The following EFCAB6 variants were observed in gnomAD, a reference collection of about 807,000 sequenced individuals.
The protein encoded by EFCAB6 is EF-hand calcium-binding domain-containing protein 6.
In EFCAB6, 156 loss-of-function variants were observed where a neutral mutation model predicts 169.8. The ratio of observed to expected loss-of-function variants is 0.92; its 90% CI spans 0.81 to 1.05. EFCAB6 has a LOEUF of 1.05. EFCAB6 is among the 50% of genes least tolerant of loss of function. EFCAB6 has a pLI of 0.00. For missense variants in EFCAB6, 1,800 were observed against 1,829.1 expected, an observed-to-expected ratio of 0.98 and a Z score of 0.29; for synonymous variants, 698 against 676.4, an observed-to-expected ratio of 1.03 and a Z score of -0.50.
At chr22:43,594,051 G>A (rs149232838) in intron 23 of EFCAB6, among the ~76,000 whole-genome samples, 13 of 152,146 alleles carry the variant, frequency 8.5e-5, no homozygotes, top group Admixed American at 2.0e-4. Context: ...CGAGGTGGGC[G>A]GATCACCTGA....
At chr22:43,794,088 T>C (rs2148130292) in intron 2 of EFCAB6, among the ~76,000 whole-genome samples, 1 of 152,052 alleles carries the variant, frequency 6.6e-6, no homozygotes, top group East Asian at 1.9e-4. Context: ...GGCCCAGCCA[T>C]CTGTATTTAA....
chr22:43,697,594 A>G (rs188506804), intron 10 of EFCAB6, among the ~76,000 whole-genome samples: 3 of 152,320 alleles, frequency 2.0e-5, no homozygotes, highest in East Asian at 3.9e-4. Flanking sequence ...ATAAAAAATC[A>G]GCAGGTAATT....
chr22:43,650,917 A>G (rs1354102418), intron 17 of EFCAB6, among the ~76,000 whole-genome samples: 1 of 152,224 alleles, frequency 6.6e-6, no homozygotes, highest in Non-Finnish European at 1.5e-5. Context: ...AGAAATTTCT[A>G]GGCAGCAAAG....
chr22:43,616,106 T>C (rs569288127), intron 20 of EFCAB6, among the ~76,000 whole-genome samples, 184 bp from the exon 21 acceptor site: 19 of 152,338 alleles, frequency 1.2e-4, no homozygotes, highest in African/African-American at 3.6e-4. Context: ...AGGGAAGTCT[T>C]CTTAAATTTT....
intron 27 of EFCAB6, chr22:43,540,687 A>T: frequency 1.3e-6 from 1 of 753,972 alleles, no homozygotes; most frequent in Non-Finnish European, 1.9e-6. Context: ...AACATTTGGG[A>T]GAAAATGCAA....
chr22:43,764,720 T>C (rs2061271796), intron 5 of EFCAB6, among the ~76,000 whole-genome samples: 1 of 152,196 alleles, frequency 6.6e-6, no homozygotes, highest in Non-Finnish European at 1.5e-5. Flanking sequence ...AAGTAAATAT[T>C]TTTATTACTA....
intron 6 of EFCAB6, among the ~76,000 whole-genome samples, chr22:43,741,056 G>A (rs1416689944): frequency 1.3e-5 from 2 of 152,162 alleles, no homozygotes; most frequent in Non-Finnish European, 1.5e-5. Context: ...TGCAGATGGC[G>A]AGGCTTATCA....
intron 17 of EFCAB6, among the ~76,000 whole-genome samples, chr22:43,645,803 A>T (rs1437023177): frequency 2.0e-5 from 3 of 152,168 alleles, no homozygotes; most frequent in Non-Finnish European, 4.4e-5. Context: ...CTCAGATGTA[A>T]ATGATATCTG....
intron 12 of EFCAB6, among the ~76,000 whole-genome samples, chr22:43,681,472 A>G (rs1378097893): frequency 6.6e-6 from 1 of 152,210 alleles, no homozygotes; most frequent in Non-Finnish European, 1.5e-5. Context: ...GCCTCAGAGA[A>G]TGAGTCTGGA....
chr22:43,678,993 G>A (rs2057894088), intron 12 of EFCAB6, among the ~76,000 whole-genome samples: 1 of 152,184 alleles, frequency 6.6e-6, no homozygotes. Flanking sequence ...CTTACCTTTT[G>A]AGAGTCATAA....
In EFCAB6 at chr22:43,669,038, T is replaced by C; in HGVS notation, c.1648A>G (p.Ser550Gly). Residue 550 changes from serine to glycine, a missense_variant, in exon 16 of 32, where the codon AGT becomes GGT. Physicochemically the swap from Ser to Gly is moderately conservative, Grantham distance 56. Coordinates refer to ENST00000262726, the MANE Select transcript of EFCAB6 (RefSeq NM_022785.4). ...LTNAHFIKLC[S>G]KIQDIGSGRI... ...CCTGAACCAATGTCCTGAATCTTAC[T>C]GCAGAGTCTGAATTTTAAAAAATAA... 1 of 1,600,246 alleles carries C rather than the reference T, an allele frequency of 6.2e-7. No homozygotes were observed. Among genetic ancestry groups the C allele is most frequent in the African/African-American group, 1.3e-5 (1 of 74,500 alleles).
In EFCAB6 at chr22:43,784,604, T is replaced by TATATGTGTATATATACAC. The variant is rs1569487690; in HGVS notation, c.-7-2280_-7-2279insGTGTATATATACACATAT. Among the ~76,000 whole-genome samples the TATATGTGTATATATACAC allele has an allele frequency of 4.4e-4, 32 of 73,488 alleles. 2 individuals are homozygous for TATATGTGTATATATACAC. The highest frequency in any genetic ancestry group is 1.5e-3 in the African/African-American group (30 of 20,404). 48.2% of individuals were successfully genotyped at this position (73,488 alleles called of 152,430 possible). A position where few individuals can be genotyped will look rare whatever the true frequency, so the allele number is the denominator to read the frequency against. On this transcript the variant is annotated intron_variant, in intron 2 of 31. Coordinates refer to ENST00000262726, the MANE Select transcript of EFCAB6 (RefSeq NM_022785.4). ...ACACATATATATGTATATATACACA[T>TATATGTGTATATATACAC]ATATATGTGTATATATACACATATA...
chr22:43,553,146 A>G (rs534314209), intron 27 of EFCAB6: 2 of 152,232 alleles, frequency 1.3e-5, no homozygotes, highest in South Asian at 2.1e-4. Flanking sequence ...ACGCTTCCCT[A>G]TGAATACTTC....
chr22:43,643,477 G>C (rs149043551), intron 17 of EFCAB6, among the ~76,000 whole-genome samples: 1 of 152,250 alleles, frequency 6.6e-6, no homozygotes, highest in African/African-American at 2.4e-5. Flanking sequence ...GCAATAAGGA[G>C]CCACTCAGGT....
Position 43,628,193 on chromosome 22 carries a change from C to G in EFCAB6, c.2233-1514G>C, listed in dbSNP as rs552468423. Among the ~76,000 whole-genome samples, 1 of 152,234 alleles carries G rather than the reference C, an allele frequency of 6.6e-6. No homozygotes were observed. The highest frequency in any genetic ancestry group is 1.9e-4 in the East Asian group (1 of 5,166). ...CCTGACCTCCACCCCCTGTCCCCACCCTACTCCTCCTAAGTCTTCCCATCT... is the reference window on the plus strand; with the variant it reads ...CCTGACCTCCACCCCCTGTCCCCACGCTACTCCTCCTAAGTCTTCCCATCT... On this transcript the variant is annotated intron_variant, in intron 19 of 31. Transcript: ENST00000262726. This position sits in a 1 kb window ranked among gnomAD's most constrained non-coding sequence, Gnocchi z 4.8.
chr22:43,771,688 A>T (rs2061475833), intron 4 of EFCAB6, among the ~76,000 whole-genome samples: 2 of 152,024 alleles, frequency 1.3e-5, no homozygotes, highest in Non-Finnish European at 1.5e-5. Flanking sequence ...TACTCCTTTC[A>T]TCCCCCTGGT....
chr22:43,589,244 G>A (rs533379972), intron 24 of EFCAB6, among the ~76,000 whole-genome samples: 12 of 112,740 alleles, frequency 1.1e-4, no homozygotes, highest in Non-Finnish European at 1.8e-4. Flanking sequence ...GTGTAACCCC[G>A]TGTTACCATC....
intron 9 of EFCAB6, among the ~76,000 whole-genome samples, chr22:43,715,571 A>G (rs1391877472): frequency 1.3e-5 from 2 of 152,196 alleles, no homozygotes; most frequent in Non-Finnish European, 2.9e-5. Flanking sequence ...TCCTCTTCTT[A>G]TAAAATTATT....
At chr22:43,689,100 T>A (rs888785715) in intron 10 of EFCAB6, among the ~76,000 whole-genome samples, 1 of 152,138 alleles carries the variant, frequency 6.6e-6, no homozygotes, top group Non-Finnish European at 1.5e-5. Context: ...GGGAGCTTGA[T>A]TCCTGTCACC....
Sources: allele counts gnomAD v4.1 joint callset (sites outside exome capture counted in the v4.1 genomes callset), GRCh38; gene constraint gnomAD v4.1.1; non-coding constraint Gnocchi (gnomAD v3.1); transcripts MANE v1.5; gene names NCBI Gene and HGNC (gene_info 2026-07-23, HGNC 2026-07-21).